Variants in LRP1B observed in about 807,000 individuals in gnomAD.
LRP1B encodes the protein low-density lipoprotein receptor-related protein 1B.
A neutral mutation model predicts 556.6 loss-of-function variants in LRP1B; 217 were observed. That is an observed-to-expected ratio of 0.39 (90% CI 0.35 to 0.44). The LOEUF (loss-of-function observed/expected upper bound fraction) is 0.44, where lower values mean the gene tolerates loss of function less well. Ranked by LOEUF, LRP1B falls within the 20% of genes least tolerant of loss-of-function variation. The pLI is 1.00. For synonymous variants in LRP1B, 2,047 were observed against 1,865.8 expected (o/e 1.10, Z -2.50); for missense variants, 5,053 against 5,620.8 (o/e 0.90, Z 3.23).
chr2:141,742,255 C>T (rs79284508), intron 2 of LRP1B, among the ~76,000 whole-genome samples: 51 of 122,696 alleles, frequency 4.2e-4, no homozygotes, highest in African/African-American at 1.3e-3. Flanking sequence ...TTCTTTCTTT[C>T]TTTTTTTTTT....
At chr2:140,600,073 C>A (rs183617378) in intron 42 of LRP1B, among the ~76,000 whole-genome samples, 74 of 152,082 alleles carry the variant, frequency 4.9e-4, no homozygotes, top group Non-Finnish European at 5.6e-4. Context: ...TCACCATATG[C>A]AAGGTGAAAA....
intron 2 of LRP1B, among the ~76,000 whole-genome samples, chr2:141,723,911 G>A (rs937828834): frequency 5.9e-5 from 9 of 151,656 alleles, no homozygotes; most frequent in Admixed American, 5.9e-4. Context: ...CACCAAAAAT[G>A]TCAACACTAA....
At chr2:141,241,156 C>G (rs1683859828) in intron 5 of LRP1B, among the ~76,000 whole-genome samples, 1 of 152,050 alleles carries the variant, frequency 6.6e-6, no homozygotes, top group East Asian at 1.9e-4. Flanking sequence ...AAAATTCCAT[C>G]AGAAATCCTT....
chr2:141,195,637 T>A (rs1246435632), intron 6 of LRP1B, among the ~76,000 whole-genome samples: 11 of 152,248 alleles, frequency 7.2e-5, no homozygotes. Flanking sequence ...AAATTATCCA[T>A]CATGCAGCTC....
At chr2:142,077,684 G>A (rs1480468399) in intron 1 of LRP1B, among the ~76,000 whole-genome samples, 1 of 152,028 alleles carries the variant, frequency 6.6e-6, no homozygotes, top group African/African-American at 2.4e-5. Context: ...AGCCTTCTCT[G>A]CAGGGGAGAG....
chr2:141,354,662 G>A lies in LRP1B; in HGVS notation c.344-100021C>T, dbSNP rs574081744. ...TCTGTTAATATTGGAGCATAGAGAA[G>A]TGGAAATACGTGTACCTCGGGGCAT... On this transcript the variant is annotated intron_variant, in intron 3 of 90. Transcript: ENST00000389484. Among the ~76,000 whole-genome samples, 22 of 152,108 alleles carry A rather than the reference G, an allele frequency of 1.4e-4. 1 individual carries two copies. Among genetic ancestry groups the A allele is most frequent in the African/African-American group, 5.3e-4 (22 of 41,492 alleles).
At chr2:141,133,524 T>C (rs1201598051) in intron 7 of LRP1B, among the ~76,000 whole-genome samples, 1 of 152,050 alleles carries the variant, frequency 6.6e-6, no homozygotes, top group Non-Finnish European at 1.5e-5. Context: ...CTTCATAAGT[T>C]TATTGTGAAG....
chr2:140,884,149 A>G, intron 24 of LRP1B, 128 bp from the exon 25 acceptor site: 1 of 824,260 alleles, frequency 1.2e-6, no homozygotes, highest in East Asian at 2.6e-5. Flanking sequence ...GAGAGATTGC[A>G]AAAGTGCTAC....
chr2:140,796,465 T>C (rs1481042808), intron 32 of LRP1B, among the ~76,000 whole-genome samples: 1 of 152,208 alleles, frequency 6.6e-6, no homozygotes, highest in African/African-American at 2.4e-5. Context: ...AGATTTCACA[T>C]AGTACTTTTC....
At chr2:140,460,420 A>G (rs867838605) in intron 60 of LRP1B, among the ~76,000 whole-genome samples, 12 of 152,350 alleles carry the variant, frequency 7.9e-5, no homozygotes, top group Middle Eastern at 3.4e-3. Context: ...TGAAAGAAAC[A>G]TTTAACAAAC....
intron 29 of LRP1B, among the ~76,000 whole-genome samples, chr2:140,846,050 T>C (rs1692264591): frequency 6.6e-6 from 1 of 151,946 alleles, no homozygotes; most frequent in African/African-American, 2.4e-5. Flanking sequence ...ATATAGATAT[T>C]ATAATGAGGA....
At chr2:141,866,773 AG>A (rs1184931648) in intron 1 of LRP1B, among the ~76,000 whole-genome samples, 2 of 151,680 alleles carry the variant, frequency 1.3e-5, no homozygotes, top group African/African-American at 4.8e-5. Flanking sequence ...AGAGGAGAAA[AG>A]GGGACAGGAT....
At chr2:140,718,165 T>A (rs1297134309) in intron 35 of LRP1B, among the ~76,000 whole-genome samples, 1 of 152,022 alleles carries the variant, frequency 6.6e-6, no homozygotes, top group African/African-American at 2.4e-5. Flanking sequence ...GATAAAGCAA[T>A]CTTGATGTAC....
intron 1 of LRP1B, among the ~76,000 whole-genome samples, chr2:141,960,851 T>C (rs1574534058): frequency 1.0e-5 from 1 of 97,040 alleles, no homozygotes; most frequent in East Asian, 4.0e-4. Flanking sequence ...CTCAAAACCA[T>C]TCAAAGAACA....
At chr2:141,798,965 C>A (rs771723390) in intron 2 of LRP1B, among the ~76,000 whole-genome samples, 1 of 151,750 alleles carries the variant, frequency 6.6e-6, no homozygotes, top group African/African-American at 2.4e-5. Context: ...GAGGGATAAC[C>A]CTGTGAAGAC....
At chr2:141,704,972 A>G (rs1692084070) in intron 2 of LRP1B, among the ~76,000 whole-genome samples, 1 of 152,008 alleles carries the variant, frequency 6.6e-6, no homozygotes, top group Non-Finnish European at 1.5e-5. Flanking sequence ...GTTACTGGTT[A>G]TATAGTAAAA....
At chr2:141,712,610 C>A (rs894609377) in intron 2 of LRP1B, among the ~76,000 whole-genome samples, 1 of 152,018 alleles carries the variant, frequency 6.6e-6, no homozygotes, top group Admixed American at 6.6e-5. Context: ...AGTCACAAAA[C>A]AGAGTTGTTT....
intron 3 of LRP1B, among the ~76,000 whole-genome samples, chr2:141,424,641 G>A (rs7608192): frequency 0.035 from 5,348 of 152,186 alleles, 296 homozygotes; most frequent in African/African-American, 0.12. Flanking sequence ...GTATTTAAAT[G>A]CTCCCATATT....
chr2:140,548,017 G>A (rs1044138102), intron 43 of LRP1B, among the ~76,000 whole-genome samples: 9 of 148,320 alleles, frequency 6.1e-5, no homozygotes, highest in Non-Finnish European at 1.3e-4. Flanking sequence ...TGGTAATCAA[G>A]AAATAAATAT....
Sources: allele counts gnomAD v4.1 joint callset (sites outside exome capture counted in the v4.1 genomes callset), GRCh38; gene constraint gnomAD v4.1.1; transcripts MANE v1.5; gene names NCBI Gene and HGNC (gene_info 2026-07-23, HGNC 2026-07-21).